CASZ1: variants seen among roughly 807,000 people sequenced by gnomAD.
CASZ1 encodes zinc finger protein castor homolog 1.
In CASZ1, 28 loss-of-function variants were observed where a neutral mutation model predicts 135.2. That is an observed-to-expected ratio of 0.21 (90% confidence interval 0.15 to 0.28). The LOEUF (loss-of-function observed/expected upper bound fraction) is 0.28. Among genes scored for constraint, CASZ1 ranks in the 10% least tolerant of loss-of-function variants. CASZ1 has a pLI of 1.00. For synonymous variants in CASZ1, 1,068 were observed against 1,073.4 expected, an observed-to-expected ratio of 0.99 and a Z score of 0.10; for missense variants, 2,161 against 2,453.3, an observed-to-expected ratio of 0.88 and a Z score of 2.52.
At position 10,640,032 on chromosome 1, in the gene CASZ1, G is replaced by A. The variant is rs200311968; in HGVS notation, c.4190C>T (p.Ser1397Leu). Residue 1397 changes from serine to leucine, a missense_variant, in exon 21 of 21, where the codon TCG becomes TTG. Coordinates refer to ENST00000377022, the MANE Select transcript of CASZ1 (RefSeq NM_001079843.3). ...GATCCAGAAGCGCTTTTTGGCCCCC[G>A]AGGCTGTCGGCATAGAGATGGTGTT... ...AGNTISMPTA[S>L]GAKKRFWIIE... 1.1e-5 allele frequency: 17 copies of A among 1,609,318 alleles called. No individual in the cohort carries two copies. The Middle Eastern group carries it at 4.9e-4, about 47-fold the overall frequency.
At chr1:10,660,950 G>A (rs1643003095) in intron 5 of CASZ1, 1 of 226,114 alleles carries the variant, frequency 4.4e-6, no homozygotes, top group South Asian at 6.1e-5. Flanking sequence ...GACAGGTAGG[G>A]ACGTGGGCCA....
rs1360795733 is a variant in CASZ1 at position 10,657,215 on chromosome 1, G to C, written c.1410-479C>G. Reference sequence around the variant, plus strand: ...CAGAGCTATGAATTTTTAAAGCACAGCATCTGTTTGGCTTCCTACAGCAAC... The same window carrying C: ...CAGAGCTATGAATTTTTAAAGCACACCATCTGTTTGGCTTCCTACAGCAAC... On this transcript the variant is annotated intron_variant, in intron 7 of 20. Coordinates refer to ENST00000377022, the MANE Select transcript of CASZ1 (RefSeq NM_001079843.3). The surrounding 1 kb of genome is among the most constrained non-coding windows in gnomAD (Gnocchi z 5.7). Among the ~76,000 whole-genome samples, 1 of 152,242 alleles carries C rather than the reference G, an allele frequency of 6.6e-6. No individual in the cohort carries two copies. The highest frequency in any genetic ancestry group is 1.5e-5 in the Non-Finnish European group (1 of 68,042).
intron 1 of CASZ1, among the ~76,000 whole-genome samples, chr1:10,795,495 C>T (rs565187388): frequency 6.6e-6 from 1 of 152,098 alleles, no homozygotes; most frequent in South Asian, 2.1e-4. Context: ...CAGAGCCCCC[C>T]CGGAGCGCAC....
chr1:10,640,532 G>T (rs1184267298), intron 20 of CASZ1, among the ~76,000 whole-genome samples: 1 of 152,248 alleles, frequency 6.6e-6, no homozygotes, highest in Non-Finnish European at 1.5e-5. Context: ...GGCTGCGCCT[G>T]TCTGCACAGG....
chr1:10,665,983 G>A lies in CASZ1; in HGVS notation c.17-412C>T, dbSNP rs190209949. Among the ~76,000 whole-genome samples the A allele has an allele frequency of 7.8e-3, 1,194 of 152,292 alleles. 10 individuals are homozygous for A. Among genetic ancestry groups the A allele is most frequent in the Non-Finnish European group, 0.014 (938 of 68,006 alleles). Reference sequence around the variant, plus strand: ...GGGAGGTTAAGGAGCCGGCTATGCGGTCAGGCTGTCAAGGGACAGCGTGGC... The same window carrying A: ...GGGAGGTTAAGGAGCCGGCTATGCGATCAGGCTGTCAAGGGACAGCGTGGC... On this transcript the variant is annotated intron_variant, in intron 4 of 20. Transcript: ENST00000377022.
Position 10,653,619 on chromosome 1 carries a change from A to G in CASZ1, c.2438T>C (p.Leu813Pro), listed in dbSNP as rs17854730. Residue 813 changes from leucine to proline, a missense_variant, in exon 11 of 21, where the codon CTG becomes CCG. By Grantham distance (98) the Leu-to-Pro change is moderately conservative. Around this residue, in one of 7 missense-constraint regions of CASZ1, gnomAD observed 406 missense variants for 387.6 expected, o/e 1.05. Transcript: ENST00000377022. ...PILAGRGSTS[L>P]PVGTPSLLGA... ...CAGGAGGCTGGGGGTGCCCACAGGC[A>G]GGGAGGTGCTCCCACGGCCAGCCAG... is the stretch of plus-strand genomic sequence containing the variant. 6.4e-7 allele frequency: 1 copy of G among 1,550,966 alleles called. No homozygotes were observed. The highest frequency in any genetic ancestry group is 1.4e-5 in the African/African-American group (1 of 73,534).
In CASZ1 at chr1:10,714,483, C is replaced by T. The variant is rs922290030; in HGVS notation, c.-76-8939G>A. Among the ~76,000 whole-genome samples, 8 of 152,216 alleles carry T rather than the reference C, an allele frequency of 5.3e-5. No homozygotes were observed. The East Asian group carries it at 5.8e-4, about 11-fold the overall frequency. On this transcript the variant is annotated intron_variant, in intron 2 of 20. Transcript: ENST00000377022. The stretch of plus-strand genomic sequence containing the variant: ...CACTACGCCAGAGCCTTCCAACGAC[C>T]GGCCCTCCCAGTGCTCCTGGCTCCG...
chr1:10,750,173 A>G (rs1171843097), intron 2 of CASZ1, among the ~76,000 whole-genome samples: 4 of 152,116 alleles, frequency 2.6e-5, no homozygotes, highest in Non-Finnish European at 4.4e-5. Flanking sequence ...CTCTTCTGCA[A>G]TGAGTTCTGT....
intron 1 of CASZ1, among the ~76,000 whole-genome samples, chr1:10,792,878 A>G (rs1159557568): frequency 6.6e-6 from 1 of 152,194 alleles, no homozygotes; most frequent in African/African-American, 2.4e-5. Context: ...AAATAAATAA[A>G]GCACTCCAGT....
chr1:10,672,230 C>G (rs1643428803), intron 4 of CASZ1, among the ~76,000 whole-genome samples: 1 of 148,882 alleles, frequency 6.7e-6, no homozygotes, highest in Non-Finnish European at 1.5e-5. Context: ...ACCCCCTCCC[C>G]TCCGCACTAT....
At chr1:10,708,954 A>G (rs1570508070) in intron 2 of CASZ1, among the ~76,000 whole-genome samples, 1 of 56,650 alleles carries the variant, frequency 1.8e-5, no homozygotes, top group Admixed American at 2.4e-4. Context: ...GAAGGAAGCA[A>G]GGGATGGAGG....
In CASZ1 at chr1:10,656,216, C is replaced by G. The variant is rs182379495; in HGVS notation, c.1501-403G>C. Reference sequence around the variant, plus strand: ...ACGCAGGCTGCCCTGACTCTCCCCCCACTCACCAGCCCCGCGCTCACTGGC... The same window carrying G: ...ACGCAGGCTGCCCTGACTCTCCCCCGACTCACCAGCCCCGCGCTCACTGGC... On this transcript the variant is annotated intron_variant, in intron 8 of 20. Coordinates refer to ENST00000377022, the MANE Select transcript of CASZ1 (RefSeq NM_001079843.3). Among the ~76,000 whole-genome samples the G allele has an allele frequency of 4.1e-4, 63 of 152,360 alleles. 2 individuals carry two copies. The East Asian group carries it at 0.011, about 27-fold the overall frequency.
At chr1:10,649,516 G>T in intron 13 of CASZ1, 79 bp from the exon 14 acceptor site, 8 of 1,470,674 alleles carry the variant, frequency 5.4e-6, no homozygotes, top group Non-Finnish European at 7.3e-6. Flanking sequence ...AACAGCCGAA[G>T]CTCTGGGCTG....
At chr1:10,773,467 G>A (rs1640609883) in intron 1 of CASZ1, among the ~76,000 whole-genome samples, 2 of 152,188 alleles carry the variant, frequency 1.3e-5, no homozygotes, top group Admixed American at 6.5e-5. Flanking sequence ...GACAGTCAGC[G>A]AGACAGCTGA....
At chr1:10,670,885 C>T (rs376246587) in intron 4 of CASZ1, among the ~76,000 whole-genome samples, 27 of 152,262 alleles carry the variant, frequency 1.8e-4, no homozygotes, top group Middle Eastern at 6.8e-3. Context: ...GAAGGGAGTC[C>T]TTCCCTCTTG....
At chr1:10,768,433 G>C (rs745508673) in intron 1 of CASZ1, among the ~76,000 whole-genome samples, 100 of 152,170 alleles carry the variant, frequency 6.6e-4, no homozygotes, top group Non-Finnish European at 1.1e-3. Context: ...GGCCAGGCTG[G>C]TCTCAAACTC....
chr1:10,735,896 C>A lies in CASZ1; in HGVS notation c.-77+24805G>T, dbSNP rs1284222442. Among the ~76,000 whole-genome samples the A allele has an allele frequency of 6.6e-6, 1 of 152,120 alleles. No individual in the cohort carries two copies. Among genetic ancestry groups the A allele is most frequent in the African/African-American group, 2.4e-5 (1 of 41,430 alleles). On this transcript the variant is annotated intron_variant, in intron 2 of 20. Transcript: ENST00000377022. This position sits in a 1 kb window ranked among gnomAD's most constrained non-coding sequence, Gnocchi z 5.1. Reference sequence around the variant, plus strand: ...CCAGGCACATCAGGTTGAAAATGTGCTTTTTCAGCCAGCTCTGGTCAAGTA... The same window carrying A: ...CCAGGCACATCAGGTTGAAAATGTGATTTTTCAGCCAGCTCTGGTCAAGTA...
chr1:10,733,095 C>T (rs1343091933), intron 2 of CASZ1, among the ~76,000 whole-genome samples: 2 of 152,192 alleles, frequency 1.3e-5, no homozygotes, highest in African/African-American at 4.8e-5. Context: ...AAAATCATCA[C>T]TGAGAGGGGA....
At position 10,747,988 on chromosome 1, in the gene CASZ1, T is replaced by C. The variant is rs1027444671; in HGVS notation, c.-77+12713A>G. 1.4e-4 allele frequency among the ~76,000 whole-genome samples: 22 copies of C among 152,136 alleles called. No homozygotes were observed. The highest frequency in any genetic ancestry group is 3.4e-4 in the African/African-American group (14 of 41,426). On this transcript the variant is annotated intron_variant, in intron 2 of 20. Coordinates refer to ENST00000377022, the MANE Select transcript of CASZ1 (RefSeq NM_001079843.3). The surrounding 1 kb of genome is among the most constrained non-coding windows in gnomAD (Gnocchi z 4.3). ...CCCGCCACCACGCCCGGCTAAGTTT[T>C]TTGTATTTTTTAGTGGAGACGGGGT...
Sources: allele counts gnomAD v4.1 joint callset (sites outside exome capture counted in the v4.1 genomes callset), GRCh38; gene constraint gnomAD v4.1.1; regional missense constraint gnomAD v4.1.1; non-coding constraint Gnocchi (gnomAD v3.1); transcripts MANE v1.5; gene names NCBI Gene and HGNC (gene_info 2026-07-23, HGNC 2026-07-21).